Variants in LARP4 observed in about 807,000 individuals in gnomAD.
The protein encoded by LARP4 is La ribonucleoprotein 4, also known as la-related protein 4.
LARP4 carries 29 observed loss-of-function variants against 92.9 expected under a neutral mutation model. The ratio of observed to expected loss-of-function variants is 0.31; its 90% CI spans 0.23 to 0.43. The LOEUF (loss-of-function observed/expected upper bound fraction) is 0.43, where lower values mean the gene tolerates loss of function less well. LARP4 is among the 20% of genes least tolerant of loss of function. The pLI, the probability that LARP4 is intolerant of heterozygous loss-of-function variation, is 1.00. For synonymous variants in LARP4, 279 were observed against 284.1 expected (o/e 0.98, Z 0.18); for missense variants, 732 against 860.0 (o/e 0.85, Z 1.86).
chr12:50,478,770 C>A lies in LARP4; in HGVS notation c.*2906C>A, dbSNP rs1296558316. ...CCTGATAATTAAGGTTTTCATAATA[C>A]CTAGGGCCTGTCTCTGAGTAATTTT... On this transcript the variant is annotated 3_prime_UTR_variant, in exon 16 of 16. Coordinates refer to ENST00000398473, the MANE Select transcript of LARP4 (RefSeq NM_052879.5). 1 of 152,072 alleles carries A rather than the reference C, an allele frequency of 6.6e-6. No individual in the cohort carries two copies. The highest frequency in any genetic ancestry group is 6.6e-5 in the Admixed American group (1 of 15,264). The allele number at this position is 152,072 out of a possible 1,614,324, so 9.4% of individuals were successfully genotyped here. A position where few individuals can be genotyped will look rare whatever the true frequency, so the allele number is the denominator to read the frequency against.
intron 10 of LARP4, among the ~76,000 whole-genome samples, chr12:50,458,797 G>A (rs1593325203): frequency 6.6e-6 from 1 of 152,266 alleles, no homozygotes. Context: ...CTTTTAGGAA[G>A]TTGGGTGCTT....
At chr12:50,441,542 T>C (rs1437430165) in intron 7 of LARP4, 48 bp from the exon 8 acceptor site, 2 of 1,325,658 alleles carry the variant, frequency 1.5e-6, no homozygotes, top group South Asian at 2.6e-5. Flanking sequence ...ATAACTTTAC[T>C]GAAATGTTTG....
chr12:50,426,896 G>A lies in LARP4; in HGVS notation c.19-866G>A, dbSNP rs555675350. On this transcript the variant is annotated intron_variant, in intron 1 of 15. Coordinates refer to ENST00000398473, the MANE Select transcript of LARP4 (RefSeq NM_052879.5). Reference sequence around the variant, plus strand: ...CGGGACTACAGGCGCCCACCAACACGCCTGGCTAATTTTGTATGTTTTGTA... The same window carrying A: ...CGGGACTACAGGCGCCCACCAACACACCTGGCTAATTTTGTATGTTTTGTA... Among the ~76,000 whole-genome samples the A allele has an allele frequency of 5.3e-5, 8 of 151,790 alleles. No homozygotes were observed. In the South Asian group the frequency reaches 1.3e-3, roughly 24 times the overall value.
At chr12:50,468,556 C>G (rs1221217949) in intron 13 of LARP4, among the ~76,000 whole-genome samples, 1 of 152,080 alleles carries the variant, frequency 6.6e-6, no homozygotes, top group Non-Finnish European at 1.5e-5. Context: ...CTCGGCCTCC[C>G]AAAGTGCTGG....
rs747253808 is a variant in LARP4 at position 50,479,280 on chromosome 12, A to G, written c.*3416A>G. ...TATATATTAACCATATTTTAAAAGT[A>G]CCAATTTTGTTTTTACAGAAAAGAT... is the stretch of plus-strand genomic sequence containing the variant. On this transcript the variant is annotated 3_prime_UTR_variant, in exon 16 of 16. Transcript: ENST00000398473. The G allele has an allele frequency of 2.4e-4, 37 of 152,612 alleles. No individual in the cohort carries two copies. Among genetic ancestry groups the G allele is most frequent in the Non-Finnish European group, 1.0e-4 (7 of 68,030 alleles). The allele number at this position is 152,612 out of a possible 1,614,324, so 9.5% of individuals were successfully genotyped here. A position where few individuals can be genotyped will look rare whatever the true frequency, so the allele number is the denominator to read the frequency against.
At chr12:50,457,935 CT>C (rs58926495) in intron 10 of LARP4, among the ~76,000 whole-genome samples, 1,571 of 139,928 alleles carry the variant, frequency 0.011, 13 homozygotes, top group African/African-American at 0.023. Flanking sequence ...CTCAACCCAA[CT>C]TTTTTTTTTT....
rs75659567 is a variant in LARP4 at position 50,430,255 on chromosome 12, T to C, written c.323-240T>C. 2.2e-4 allele frequency among the ~76,000 whole-genome samples: 33 copies of C among 152,190 alleles called. No homozygotes were observed. In the East Asian group the frequency reaches 5.6e-3, roughly 26 times the overall value. ...GGCACAAGTTTGTGGTCCTAGCTAC[T>C]CAAGAAGCTGTGGTGGGAGGATCAT... On this transcript the variant is annotated intron_variant, in intron 3 of 15. Transcript: ENST00000398473.
At chr12:50,402,666 G>A in intron 1 of LARP4, 1 of 412,680 alleles carries the variant, frequency 2.4e-6, no homozygotes, top group Non-Finnish European at 4.8e-6. Context: ...TACTTAATAT[G>A]TTTTACAGAT....
chr12:50,430,472 TCCC>T lies in LARP4; in HGVS notation c.323-22_323-20del. On this transcript the variant is annotated intron_variant, in intron 3 of 15. Transcript: ENST00000398473. ...CTACTAACATGCTATTAACTTTTTT[TCCC>T]TCTTCTTTTCTACCATCAGGAGAAA... The T allele has an allele frequency of 6.9e-7, 1 of 1,443,570 alleles. No homozygotes were observed. The highest frequency in any genetic ancestry group is 9.6e-7 in the Non-Finnish European group (1 of 1,036,382). 89.4% of individuals were successfully genotyped at this position (1,443,570 alleles called of 1,614,324 possible).
chr12:50,468,282 A>C (rs1057073444), intron 13 of LARP4, among the ~76,000 whole-genome samples: 3 of 125,028 alleles, frequency 2.4e-5, no homozygotes, highest in African/African-American at 8.2e-5. Context: ...CCGGCCCTGT[A>C]TTTCTAATTA....
At position 50,467,000 on chromosome 12, in the gene LARP4, A is replaced by G; in HGVS notation, c.1425A>G (p.Pro475=). ...PSTAESKAPT[P]KFDLLASNFP... Reference sequence around the variant, plus strand: ...CAGCTGAATCAAAGGCTCCAACACCAAAGTTTGACTTATTAGCCTCAAATT... The same window carrying G: ...CAGCTGAATCAAAGGCTCCAACACCGAAGTTTGACTTATTAGCCTCAAATT... The change falls in exon 13 of 16, where the codon CCA becomes CCG. Residue 475 remains proline, a synonymous_variant. Coordinates refer to ENST00000398473, the MANE Select transcript of LARP4 (RefSeq NM_052879.5). 6.2e-7 allele frequency: 1 copy of G among 1,613,216 alleles called. No homozygotes were observed. The highest frequency in any genetic ancestry group is 8.5e-7 in the Non-Finnish European group (1 of 1,179,528).
intron 10 of LARP4, among the ~76,000 whole-genome samples, chr12:50,458,363 C>T (rs1440852739): frequency 6.6e-6 from 1 of 152,070 alleles, no homozygotes; most frequent in Non-Finnish European, 1.5e-5. Flanking sequence ...ATCTCTTGAC[C>T]TCGTGATGCA....
chr12:50,436,928 A>T (rs565061847), intron 5 of LARP4, among the ~76,000 whole-genome samples: 14 of 152,332 alleles, frequency 9.2e-5, no homozygotes, highest in Admixed American at 3.9e-4. Flanking sequence ...ATTACAGAGG[A>T]TTACAAACAT....
intron 6 of LARP4, 53 bp from the exon 7 acceptor site, chr12:50,440,386 T>A (rs910308998): frequency 3.1e-6 from 4 of 1,288,366 alleles, no homozygotes; most frequent in Admixed American, 1.7e-5. Context: ...CAACAAAAAA[T>A]GCCAATTATT....
intron 4 of LARP4, among the ~76,000 whole-genome samples, chr12:50,432,116 A>T (rs1949743823): frequency 6.6e-6 from 1 of 152,148 alleles, no homozygotes; most frequent in Non-Finnish European, 1.5e-5. Context: ...AGCCTGGGTG[A>T]ATTTTACCTA....
At chr12:50,426,732 G>GTGTGTGTGTGTGGGTGTGTGTGTGGT (rs1948838581) in intron 1 of LARP4, among the ~76,000 whole-genome samples, 1 of 52,110 alleles carries the variant, frequency 1.9e-5, no homozygotes, top group Non-Finnish European at 3.8e-5. Flanking sequence ...TGTGTGTGTG[G>GTGTGTGTGTGTGGGTGTGTGTGTGGT]TTTTTTTTTT....
chr12:50,441,859 G>A lies in LARP4; in HGVS notation c.804+216G>A, dbSNP rs1951258893. ...ACGCCAGGAGTTCGAGACCAGCCTT[G>A]CCAATATGATGAAACCCCATCTCTA... On this transcript the variant is annotated intron_variant, in intron 8 of 15. Transcript: ENST00000398473. 4.6e-5 allele frequency among the ~76,000 whole-genome samples: 7 copies of A among 152,322 alleles called. 1 individual carries two copies. The South Asian group carries it at 1.5e-3, about 32-fold the overall frequency.
intron 8 of LARP4, among the ~76,000 whole-genome samples, chr12:50,452,908 C>T (rs1255756221): frequency 1.3e-5 from 2 of 151,866 alleles, no homozygotes; most frequent in African/African-American, 4.8e-5. Flanking sequence ...GGTTTTTACT[C>T]TGCTTGTTGT....
intron 3 of LARP4, 89 bp from the exon 4 acceptor site, chr12:50,430,406 T>C: frequency 1.5e-6 from 1 of 671,168 alleles, no homozygotes; most frequent in Admixed American, 2.7e-5. Flanking sequence ...TGTAGATACT[T>C]TGTGGCTTCT....
Sources: gnomAD v4.1 joint callset for allele counts (sites outside exome capture counted in the v4.1 genomes callset) on GRCh38, gnomAD v4.1.1 for gene constraint, MANE v1.5 for transcripts, NCBI Gene and HGNC (gene_info 2026-07-23, HGNC 2026-07-21) for gene names.